ANKRD42: variants seen among roughly 807,000 people sequenced by gnomAD.
ANKRD42 encodes the protein ankyrin repeat domain 42.
In ANKRD42, 43 loss-of-function variants were observed where a neutral mutation model predicts 51.5. The observed-to-expected ratio is 0.83, with a 90% confidence interval of 0.65 to 1.08. The LOEUF (loss-of-function observed/expected upper bound fraction) is 1.08. ANKRD42 is among the 50% of genes least tolerant of loss of function. The pLI, the probability that ANKRD42 is intolerant of heterozygous loss-of-function variation, is 0.00. For missense variants in ANKRD42, 608 were observed against 629.3 expected (o/e 0.97, Z 0.36); for synonymous variants, 203 against 213.0 (o/e 0.95, Z 0.41).
At chr11:83,263,880 G>A (rs1461018951), downstream of ANKRD42, among the ~76,000 whole-genome samples, 3 of 152,190 alleles carry the variant, frequency 2.0e-5, no homozygotes, top group Non-Finnish European at 4.4e-5. Flanking sequence ...CCACGGTTCA[G>A]CTGATGGCTG....
At chr11:83,227,462 C>T (rs1034760531) in intron 6 of ANKRD42, among the ~76,000 whole-genome samples, 1 of 130,274 alleles carries the variant, frequency 7.7e-6, no homozygotes, top group Non-Finnish European at 1.6e-5. Context: ...AAATGACCAT[C>T]CCCTGTGTTT....
In ANKRD42 at chr11:83,211,235, G is replaced by A. The variant is rs775420955; in HGVS notation, c.451-60G>A. The A allele has an allele frequency of 3.1e-5, 50 of 1,597,702 alleles. 1 individual carries two copies. In the South Asian group the frequency reaches 5.3e-4, roughly 17 times the overall value. ...TCTTATTTACAGAATTAAGCTGCTA[G>A]GCTTAGTATTTCCCCTACAAAATGG... On this transcript the variant is annotated intron_variant, in intron 4 of 10. Transcript: ENST00000533342.
At chr11:83,207,216 A>G (rs1360249664) in intron 3 of ANKRD42, among the ~76,000 whole-genome samples, 2 of 152,170 alleles carry the variant, frequency 1.3e-5, no homozygotes, top group African/African-American at 4.8e-5. Flanking sequence ...GCATGGGGTA[A>G]CCACCCCCAT....
At position 83,211,218 on chromosome 11, in the gene ANKRD42, A is replaced by G. The variant is rs769894881; in HGVS notation, c.451-77A>G. On this transcript the variant is annotated intron_variant, in intron 4 of 10. Transcript: ENST00000533342. ...TAAGAACAGCCTCCAATTCTTATTT[A>G]CAGAATTAAGCTGCTAGGCTTAGTA... is the stretch of plus-strand genomic sequence containing the variant. 1.9e-5 allele frequency: 29 copies of G among 1,562,246 alleles called. No individual in the cohort carries two copies. In the Admixed American group the frequency reaches 4.7e-4, roughly 25 times the overall value.
chr11:83,198,163 A>AT (rs1357803765), intron 1 of ANKRD42, among the ~76,000 whole-genome samples: 2 of 152,018 alleles, frequency 1.3e-5, no homozygotes, highest in African/African-American at 4.8e-5. Flanking sequence ...CCAGGACTGT[A>AT]TTTTTCTGTA....
intron 5 of ANKRD42, chr11:83,214,010 C>G (rs1490544152): frequency 6.6e-6 from 1 of 152,568 alleles, no homozygotes; most frequent in Non-Finnish European, 1.5e-5. Flanking sequence ...TCTGCCTCAG[C>G]CTCCCGAGTA....
chr11:83,236,150 T>G (rs1863214936), intron 7 of ANKRD42, among the ~76,000 whole-genome samples: 1 of 152,248 alleles, frequency 6.6e-6, no homozygotes, highest in South Asian at 2.1e-4. Context: ...ATAACCTTTT[T>G]GAGTTTCAGC....
intron 5 of ANKRD42, among the ~76,000 whole-genome samples, chr11:83,219,476 G>A (rs1862646329): frequency 6.6e-6 from 1 of 152,180 alleles, no homozygotes. Context: ...GTGACAGGAG[G>A]CGTATAGTAA....
At position 83,245,513 on chromosome 11, in the gene ANKRD42, A is replaced by G; in HGVS notation, c.1211A>G (p.Lys404Arg). 6.5e-7 allele frequency: 1 copy of G among 1,536,356 alleles called. No individual in the cohort carries two copies. The highest frequency in any genetic ancestry group is 8.7e-7 in the Non-Finnish European group (1 of 1,146,944). The change falls in exon 10 of 11, where the codon AAA (lysine) becomes AGA (arginine). Residue 404 changes from lysine to arginine, a missense_variant. Lys to Arg is a conservative substitution (Grantham distance 26, BLOSUM62 2). Transcript: ENST00000533342. Reference sequence around the variant, plus strand: ...TGTCTTGCAGTGAGAGCTTACAAGAAAATTGTAGAATTGAGACACCTCCTG... The same window carrying G: ...TGTCTTGCAGTGAGAGCTTACAAGAGAATTGTAGAATTGAGACACCTCCTG... ...KTDARMRAYK[K>R]IVELRHLLEI...
chr11:83,197,152 T>A (rs1017680720), intron 1 of ANKRD42, among the ~76,000 whole-genome samples: 6 of 152,226 alleles, frequency 3.9e-5, no homozygotes, highest in Non-Finnish European at 8.8e-5. Context: ...TATATCTTAA[T>A]TGTTCTTCAA....
downstream of ANKRD42, chr11:83,261,057 T>A (rs1016354574): frequency 1.3e-5 from 2 of 152,146 alleles, no homozygotes; most frequent in Non-Finnish European, 2.9e-5. Flanking sequence ...CTCTACAGAT[T>A]TCATATTAAG....
At position 83,194,166 on chromosome 11, in the gene ANKRD42, T is replaced by C. The variant is rs1424265221; in HGVS notation, c.-505T>C. ...CCTTCTGCAGCAGCGACGTGAATTTTAGTGAAGTTGGAGGCCACCAAACTA... is the reference window on the plus strand; with the variant it reads ...CCTTCTGCAGCAGCGACGTGAATTTCAGTGAAGTTGGAGGCCACCAAACTA... On this transcript the variant is annotated 5_prime_UTR_variant, in exon 1 of 11. Transcript: ENST00000533342. 6.6e-6 allele frequency: 3 copies of C among 457,244 alleles called. No homozygotes were observed. The highest frequency in any genetic ancestry group is 3.1e-5 in the South Asian group (2 of 64,564). The allele number at this position is 457,244 out of a possible 1,614,324, so 28.3% of individuals were successfully genotyped here.
chr11:83,223,700 C>G (rs1306470842), intron 5 of ANKRD42, among the ~76,000 whole-genome samples: 2 of 152,050 alleles, frequency 1.3e-5, no homozygotes, highest in Non-Finnish European at 2.9e-5. Context: ...GGGGCAGGGC[C>G]TAGTGTGAGG....
Position 83,198,518 on chromosome 11 carries a change from C to T in ANKRD42, c.98C>T (p.Ala33Val), listed in dbSNP as rs1458946761. 2 of 1,613,692 alleles carry T rather than the reference C, an allele frequency of 1.2e-6. No homozygotes were observed. The highest frequency in any genetic ancestry group is 1.7e-5 in the Admixed American group (1 of 60,004). ...GTGCATTTTGGCAGCATACATGATGCAGTACGAGCTGGAGATGTAAAGCAG... is the reference window on the plus strand; with the variant it reads ...GTGCATTTTGGCAGCATACATGATGTAGTACGAGCTGGAGATGTAAAGCAG... ...KKVHFGSIHD[A>V]VRAGDVKQLS... is the part of the protein sequence containing the mutation. Residue 33 changes from alanine (A) to valine (V), a missense_variant, in exon 2 of 11, where the codon GCA (alanine) becomes GTA (valine). Ala to Val is a moderately conservative substitution (Grantham distance 64). Transcript: ENST00000533342.
intron 5 of ANKRD42, chr11:83,213,512 C>T (rs1862408912): frequency 1.5e-6 from 2 of 1,303,080 alleles, no homozygotes; most frequent in Non-Finnish European, 2.0e-6. Flanking sequence ...TTCGCTTTTT[C>T]AGACTGCTTT....
At position 83,248,255 on chromosome 11, in the gene ANKRD42, A is replaced by G. The variant is rs1302321026; in HGVS notation, c.*51A>G. Reference sequence around the variant, plus strand: ...GTGCCTCAACTATAAACTGGAGATGATAACTTATACTTTCTAGAGCTGATG... The same window carrying G: ...GTGCCTCAACTATAAACTGGAGATGGTAACTTATACTTTCTAGAGCTGATG... On this transcript the variant is annotated 3_prime_UTR_variant, in exon 11 of 11. Transcript: ENST00000533342. 2 of 1,446,244 alleles carry G rather than the reference A, an allele frequency of 1.4e-6. No homozygotes were observed. Among genetic ancestry groups the G allele is most frequent in the Non-Finnish European group, 1.8e-6 (2 of 1,104,622 alleles). The allele number at this position is 1,446,244 out of a possible 1,614,324, so 89.6% of individuals were successfully genotyped here. A position where few individuals can be genotyped will look rare whatever the true frequency, so the allele number is the denominator to read the frequency against.
rs1861751658 is a variant in ANKRD42 at position 83,198,595 on chromosome 11, C to T, written c.175C>T (p.His59Tyr). The change falls in exon 2 of 11, where the codon CAT becomes TAT. Residue 59 changes from histidine (H) to tyrosine (Y), a missense_variant. By Grantham distance (83) the His-to-Tyr change is moderately conservative (BLOSUM62 2). Coordinates refer to ENST00000533342, the MANE Select transcript of ANKRD42 (RefSeq NM_001300975.2). ...GASINELDVL[H>Y]KFTPLHWAAH... The stretch of plus-strand genomic sequence containing the variant: ...CAGCATTAATGAACTTGATGTTCTC[C>T]ATAAGTTTACCCCTTTACATTGGGC... 1 of 1,611,680 alleles carries T rather than the reference C, an allele frequency of 6.2e-7. No individual in the cohort carries two copies.
chr11:83,213,516 C>A, intron 5 of ANKRD42: 1 of 1,300,780 alleles, frequency 7.7e-7, no homozygotes, highest in African/African-American at 1.5e-5. Flanking sequence ...CTTTTTCAGA[C>A]TGCTTTCAAT....
chr11:83,209,280 A>C, intron 3 of ANKRD42: 2 of 657,232 alleles, frequency 3.0e-6, no homozygotes, highest in Non-Finnish European at 5.6e-6. Flanking sequence ...CAATATTATA[A>C]GTGTCTTCTA....
Sources: allele counts gnomAD v4.1 joint callset (sites outside exome capture counted in the v4.1 genomes callset), GRCh38; gene constraint gnomAD v4.1.1; transcripts MANE v1.5; gene names NCBI Gene and HGNC (gene_info 2026-07-23, HGNC 2026-07-21).